The following CYB5R3 variants were observed in gnomAD, a reference collection of about 807,000 sequenced individuals.
CYB5R3 encodes the protein NADH-cytochrome b5 reductase 3.
A neutral mutation model predicts 36.5 loss-of-function variants in CYB5R3; 28 were observed. The ratio of observed to expected loss-of-function variants is 0.77; its 90% CI spans 0.57 to 1.05. The LOEUF (loss-of-function observed/expected upper bound fraction) is 1.05, where lower values mean the gene tolerates loss of function less well. Among genes scored for constraint, CYB5R3 ranks in the 50% least tolerant of loss-of-function variants. CYB5R3 has a pLI of 0.00. For missense variants in CYB5R3, 474 were observed against 408.9 expected (o/e 1.16, Z -1.37); for synonymous variants, 181 against 159.8 (o/e 1.13, Z -1.00).
chr22:42,624,003 G>A, intron 7 of CYB5R3, 115 bp from the exon 8 acceptor site: 2 of 867,064 alleles, frequency 2.3e-6, no homozygotes, highest in Admixed American at 2.0e-5. Context: ...CGCTTGCGGA[G>A]CTTTCAGGAG....
At chr22:42,641,630 C>T (rs928971772) in intron 1 of CYB5R3, among the ~76,000 whole-genome samples, 1 of 152,152 alleles carries the variant, frequency 6.6e-6, no homozygotes, top group African/African-American at 2.4e-5. Flanking sequence ...GGATTACAGG[C>T]GCCCACCACC....
intron 8 of CYB5R3, among the ~76,000 whole-genome samples, chr22:42,620,287 G>C (rs1239762485): frequency 6.6e-6 from 1 of 152,158 alleles, no homozygotes; most frequent in Non-Finnish European, 1.5e-5. Context: ...TGGCAACTGA[G>C]GCCCAGAGGA....
chr22:42,640,041 C>G (rs780233162), intron 1 of CYB5R3: 1 of 1,613,670 alleles, frequency 6.2e-7, no homozygotes, highest in East Asian at 2.2e-5. Flanking sequence ...CAGTGGCCAC[C>G]AAACCGTTCA....
Position 42,618,067 on chromosome 22 carries a change from T to A in CYB5R3, c.*1706A>T, listed in dbSNP as rs1437125394. The A allele has an allele frequency of 6.6e-6, 1 of 152,308 alleles. No homozygotes were observed. Among genetic ancestry groups the A allele is most frequent in the African/African-American group, 2.4e-5 (1 of 41,450 alleles). 9.4% of individuals were successfully genotyped at this position (152,308 alleles called of 1,614,324 possible). A position where few individuals can be genotyped will look rare whatever the true frequency, so the allele number is the denominator to read the frequency against. ...TTACCACCATGCAGATGGCATCCTC[T>A]GACTTTCCTGAGCCTCGAGGCTCAT... On this transcript the variant is annotated 3_prime_UTR_variant, in exon 9 of 9. Transcript: ENST00000352397.
chr22:42,619,765 C>T lies in CYB5R3; in HGVS notation c.*8G>A, dbSNP rs1927855252. ...CGGGGCGGGTGGCCGTGTGACCGTG[C>T]CCGGCCCTCAGAAGACGAAGCAGCG... On this transcript the variant is annotated 3_prime_UTR_variant, in exon 9 of 9. Transcript: ENST00000352397. 9 of 1,567,666 alleles carry T rather than the reference C, an allele frequency of 5.7e-6. No individual in the cohort carries two copies. Among genetic ancestry groups the T allele is most frequent in the Middle Eastern group, 1.7e-4 (1 of 5,966 alleles).
Position 42,618,664 on chromosome 22 carries a change from G to C in CYB5R3, c.*1109C>G, listed in dbSNP as rs1197941434. ...AGAGGTGGAGGTTGTAGTGAGCTGA[G>C]ATCATGCCACTCCAGCCTGGGTGAC... is the stretch of plus-strand genomic sequence containing the variant. On this transcript the variant is annotated 3_prime_UTR_variant, in exon 9 of 9. Transcript: ENST00000352397. 7.0e-6 allele frequency: 1 copy of C among 143,332 alleles called. No homozygotes were observed. The highest frequency in any genetic ancestry group is 2.0e-4 in the East Asian group (1 of 4,910). 8.9% of individuals were successfully genotyped at this position (143,332 alleles called of 1,614,324 possible).
chr22:42,628,652 A>T (rs1421169922), intron 4 of CYB5R3, among the ~76,000 whole-genome samples: 1 of 151,354 alleles, frequency 6.6e-6, no homozygotes, highest in East Asian at 1.9e-4. Flanking sequence ...ACTAAGCCAC[A>T]CTCCTCCTGG....
At chr22:42,647,079 T>A in intron 1 of CYB5R3, 1 of 659,056 alleles carries the variant, frequency 1.5e-6, no homozygotes, top group Non-Finnish European at 1.9e-6. Context: ...ATAAGACACC[T>A]AGAGCACCAG....
Position 42,649,381 on chromosome 22 carries a change from C to A in CYB5R3, c.-66G>T. 1.8e-6 allele frequency: 1 copy of A among 546,024 alleles called. No homozygotes were observed. The highest frequency in any genetic ancestry group is 2.3e-6 in the Non-Finnish European group (1 of 425,662). The allele number at this position is 546,024 out of a possible 1,614,324, so 33.8% of individuals were successfully genotyped here. On this transcript the variant is annotated 5_prime_UTR_variant, in exon 1 of 9. Coordinates refer to ENST00000352397, the MANE Select transcript of CYB5R3 (RefSeq NM_000398.7). ...GCCGCCGAGACCGTCGCGCCCGGGC[C>A]CGCGTCACTCCGGAGCAGGGGCGGG... is the stretch of plus-strand genomic sequence containing the variant.
chr22:42,634,392 C>A (rs537557012), intron 2 of CYB5R3, among the ~76,000 whole-genome samples: 1 of 151,920 alleles, frequency 6.6e-6, no homozygotes, highest in Admixed American at 6.6e-5. Flanking sequence ...AAAATCATAT[C>A]GCAAGGTTAA....
intron 1 of CYB5R3, among the ~76,000 whole-genome samples, chr22:42,643,878 G>A (rs557567105): frequency 1.3e-5 from 2 of 152,202 alleles, no homozygotes; most frequent in East Asian, 1.9e-4. Context: ...GGCACACAGC[G>A]GTCAGCGCCC....
At chr22:42,631,718 G>T (rs1928631594) in intron 2 of CYB5R3, 1 of 555,928 alleles carries the variant, frequency 1.8e-6, no homozygotes, top group African/African-American at 1.9e-5. Context: ...AACAGGGAAT[G>T]AACCCAGGGT....
intron 8 of CYB5R3, among the ~76,000 whole-genome samples, chr22:42,622,069 C>T (rs1033027807): frequency 8.4e-4 from 33 of 39,180 alleles, no homozygotes; most frequent in Admixed American, 1.4e-3. Flanking sequence ...ACTACAGGCA[C>T]GCGACACACG....
At chr22:42,644,594 C>T (rs972383095) in intron 1 of CYB5R3, 1 of 1,508,580 alleles carries the variant, frequency 6.6e-7, no homozygotes, top group African/African-American at 1.4e-5. Flanking sequence ...TTTCACAGCC[C>T]CTGGTCCCTT....
intron 4 of CYB5R3, among the ~76,000 whole-genome samples, chr22:42,629,206 C>A (rs1256350629): frequency 5.3e-5 from 8 of 152,272 alleles, no homozygotes; most frequent in South Asian, 2.1e-4. Flanking sequence ...CTGGACAAAG[C>A]CCCAAACCTT....
At chr22:42,641,508 TG>T (rs1008346224) in intron 1 of CYB5R3, among the ~76,000 whole-genome samples, 6 of 151,714 alleles carry the variant, frequency 4.0e-5, no homozygotes, top group African/African-American at 1.5e-4. Flanking sequence ...TTTTTTGAGA[TG>T]GAGTCTGGCT....
At chr22:42,626,065 T>C (rs957066894) in intron 7 of CYB5R3, among the ~76,000 whole-genome samples, 4 of 152,150 alleles carry the variant, frequency 2.6e-5, no homozygotes, top group African/African-American at 7.2e-5. Flanking sequence ...TCCCAACACT[T>C]TGGGAGGCTG....
chr22:42,640,466 C>T, intron 1 of CYB5R3: 1 of 309,432 alleles, frequency 3.2e-6, no homozygotes. Flanking sequence ...GTGACCTCCG[C>T]CTCCCGGGTT....
chr22:42,619,943 A>T lies in CYB5R3; in HGVS notation c.736T>A (p.Trp246Arg). The T allele has an allele frequency of 1.3e-6, 2 of 1,596,862 alleles. No individual in the cohort carries two copies. ...WYTLDRAPEA[W>R]DYGQGFVNEE... ...TTCACGAAGCCCTGGCCGTAGTCCC[A>T]GGCTGTGGGGTGAGAGACCAGGTAA... The change falls in exon 9 of 9, where the codon TGG becomes AGG. Residue 246 changes from tryptophan (W) to arginine (R), a missense_variant and splice_region_variant. Coordinates refer to ENST00000352397, the MANE Select transcript of CYB5R3 (RefSeq NM_000398.7).
Sources: allele counts gnomAD v4.1 joint callset (sites outside exome capture counted in the v4.1 genomes callset), GRCh38; gene constraint gnomAD v4.1.1; transcripts MANE v1.5; gene names NCBI Gene and HGNC (gene_info 2026-07-23, HGNC 2026-07-21).